The following NLK variants were observed in gnomAD, a reference collection of about 807,000 sequenced individuals.
NLK encodes nemo like kinase, also known as serine/threonine-protein kinase NLK.
Under a neutral mutation model 59.0 loss-of-function variants are expected in NLK, and 11 were observed. That is an observed-to-expected ratio of 0.19 (90% CI 0.12 to 0.31). The LOEUF is 0.31. Among genes scored for constraint, NLK ranks in the 10% least tolerant of loss-of-function variants. NLK has a pLI of 1.00. For missense variants in NLK, 410 were observed against 661.1 expected, an observed-to-expected ratio of 0.62 and a Z score of 4.16; for synonymous variants, 235 against 235.9, an observed-to-expected ratio of 1.00 and a Z score of 0.03.
intron 1 of NLK, among the ~76,000 whole-genome samples, chr17:28,091,931 T>G (rs1044515432): frequency 1.2e-4 from 18 of 152,212 alleles, no homozygotes; most frequent in African/African-American, 4.3e-4. Context: ...TTTTTTTTCT[T>G]TTGACAACCA....
chr17:28,070,841 C>T (rs961372947), intron 1 of NLK, among the ~76,000 whole-genome samples: 1 of 151,988 alleles, frequency 6.6e-6, no homozygotes, highest in Non-Finnish European at 1.5e-5. Flanking sequence ...TTTTTTCACC[C>T]TTATTGAATA....
chr17:28,149,381 G>C (rs1907390700), intron 3 of NLK, among the ~76,000 whole-genome samples: 1 of 152,110 alleles, frequency 6.6e-6, no homozygotes, highest in Non-Finnish European at 1.5e-5. Context: ...ATTTGTTAAG[G>C]ATGAACCATT....
chr17:28,115,791 A>G (rs1036374310), intron 1 of NLK, among the ~76,000 whole-genome samples: 7 of 152,040 alleles, frequency 4.6e-5, no homozygotes, highest in Non-Finnish European at 8.8e-5. Context: ...AACATCTTGT[A>G]TAGAAGTCTT....
intron 3 of NLK, among the ~76,000 whole-genome samples, chr17:28,145,640 CCTT>C (rs1428607413): frequency 6.6e-6 from 1 of 152,102 alleles, no homozygotes; most frequent in East Asian, 1.9e-4. Flanking sequence ...AAGTTTTTCT[CCTT>C]CTTCATTGAT....
At chr17:28,133,479 A>G (rs1209290935) in intron 3 of NLK, among the ~76,000 whole-genome samples, 1 of 152,218 alleles carries the variant, frequency 6.6e-6, no homozygotes, top group Non-Finnish European at 1.5e-5. Flanking sequence ...CATTGTGAAT[A>G]ATAATGAACT....
chr17:28,119,648 C>G (rs193147224), intron 1 of NLK, among the ~76,000 whole-genome samples: 45 of 152,198 alleles, frequency 3.0e-4, no homozygotes, highest in Admixed American at 2.9e-3. Flanking sequence ...ATAATTGATT[C>G]AGGCAAAAAT....
chr17:28,058,237 A>G (rs1909508633), intron 1 of NLK, among the ~76,000 whole-genome samples: 1 of 152,194 alleles, frequency 6.6e-6, no homozygotes, highest in African/African-American at 2.4e-5. Context: ...CAAATAAATC[A>G]CTGACTTAAA....
At chr17:28,177,133 G>C (rs1469874400) in intron 7 of NLK, among the ~76,000 whole-genome samples, 1 of 152,152 alleles carries the variant, frequency 6.6e-6, no homozygotes, top group East Asian at 1.9e-4. Flanking sequence ...GTAGGCTGAG[G>C]AGGAAGAGAA....
intron 1 of NLK, among the ~76,000 whole-genome samples, chr17:28,058,875 C>A (rs906983054): frequency 6.6e-6 from 1 of 152,128 alleles, no homozygotes; most frequent in African/African-American, 2.4e-5. Flanking sequence ...CCTGTAATCC[C>A]AGCACTTTGG....
chr17:28,150,217 AGT>A (rs1168216639), intron 3 of NLK, among the ~76,000 whole-genome samples: 4 of 152,198 alleles, frequency 2.6e-5, no homozygotes, highest in African/African-American at 9.6e-5. Context: ...AGTGGCACAT[AGT>A]AGCTTCAAGT....
chr17:28,105,551 C>G (rs908297937), intron 1 of NLK, among the ~76,000 whole-genome samples: 4 of 152,132 alleles, frequency 2.6e-5, no homozygotes, highest in Admixed American at 6.5e-5. Context: ...AATATGGATT[C>G]TTTTTCAAAG....
At chr17:28,152,097 AGGTATAG>A (rs1461078534) in intron 3 of NLK, among the ~76,000 whole-genome samples, 1 of 152,222 alleles carries the variant, frequency 6.6e-6, no homozygotes, top group Non-Finnish European at 1.5e-5. Flanking sequence ...CAAATCCCAC[AGGTATAG>A]GGTGAGCAAC....
At chr17:28,048,088 A>G (rs912494636) in intron 1 of NLK, 2 of 396,724 alleles carry the variant, frequency 5.0e-6, no homozygotes, top group Non-Finnish European at 8.9e-6. Flanking sequence ...GTATGAAACT[A>G]GAAATGTGGA....
intron 7 of NLK, among the ~76,000 whole-genome samples, chr17:28,181,985 G>A (rs1251237056): frequency 1.3e-5 from 2 of 152,216 alleles, no homozygotes; most frequent in African/African-American, 4.8e-5. Context: ...GCTCCAGCCT[G>A]GGGGACAGAG....
intron 3 of NLK, among the ~76,000 whole-genome samples, chr17:28,156,950 A>G (rs771826349): frequency 3.9e-5 from 6 of 152,072 alleles, no homozygotes; most frequent in Non-Finnish European, 7.4e-5. Context: ...TTGTTTCTGC[A>G]TTTATTGGTT....
chr17:28,091,429 G>GT (rs1904488797), intron 1 of NLK, among the ~76,000 whole-genome samples: 1 of 151,164 alleles, frequency 6.6e-6, no homozygotes, highest in African/African-American at 2.4e-5. Flanking sequence ...AGTACACAGC[G>GT]TTTAATTTCT....
chr17:28,195,652 C>G lies in NLK; in HGVS notation c.*1016C>G, dbSNP rs1277566263. 1 of 152,618 alleles carries G rather than the reference C, an allele frequency of 6.6e-6. No homozygotes were observed. Among genetic ancestry groups the G allele is most frequent in the Non-Finnish European group, 1.5e-5 (1 of 68,034 alleles). 9.5% of individuals were successfully genotyped at this position (152,618 alleles called of 1,614,324 possible). On this transcript the variant is annotated 3_prime_UTR_variant, in exon 11 of 11. Coordinates refer to ENST00000407008, the MANE Select transcript of NLK (RefSeq NM_016231.5). ...AAGCTGTGGGAGTCTTGAAATGTCA[C>G]AGTAGTAAATAACTTATTACTTTTT...
chr17:28,179,595 A>G (rs1231097074), intron 7 of NLK, among the ~76,000 whole-genome samples: 2 of 151,860 alleles, frequency 1.3e-5, no homozygotes, highest in Non-Finnish European at 2.9e-5. Flanking sequence ...TTAGCCAGGC[A>G]TGGTGGCAGA....
intron 2 of NLK, among the ~76,000 whole-genome samples, chr17:28,125,014 C>G (rs959898854): frequency 3.9e-5 from 6 of 152,092 alleles, no homozygotes; most frequent in South Asian, 2.1e-4. Flanking sequence ...CGACACTGCA[C>G]TCCAGCCTGG....
Sources: allele counts gnomAD v4.1 joint callset (sites outside exome capture counted in the v4.1 genomes callset), GRCh38; gene constraint gnomAD v4.1.1; transcripts MANE v1.5; gene names NCBI Gene and HGNC (gene_info 2026-07-23, HGNC 2026-07-21).